The following TRHDE variants were observed in gnomAD, a reference collection of about 807,000 sequenced individuals.
The protein encoded by TRHDE is thyrotropin releasing hormone degrading enzyme, also known as thyrotropin-releasing hormone-degrading ectoenzyme.
Under a neutral mutation model 125.7 loss-of-function variants are expected in TRHDE, and 72 were observed. The observed-to-expected ratio is 0.57, with a 90% CI of 0.47 to 0.70. TRHDE has a LOEUF of 0.70. Ranked by LOEUF, TRHDE falls within the 30% of genes least tolerant of loss-of-function variation. TRHDE has a pLI of 0.00. For synonymous variants in TRHDE, 509 were observed against 509.1 expected, an observed-to-expected ratio of 1.00 and a Z score of 0.00; for missense variants, 1,110 against 1,327.1, an observed-to-expected ratio of 0.84 and a Z score of 2.54.
chr12:72,302,857 A>C (rs539104935), intron 2 of TRHDE, among the ~76,000 whole-genome samples: 2 of 152,268 alleles, frequency 1.3e-5, no homozygotes, highest in South Asian at 4.1e-4. Flanking sequence ...TTTGGACTGG[A>C]TAACTTTTGT....
chr12:72,517,857 T>C (rs1163748088), intron 6 of TRHDE, among the ~76,000 whole-genome samples: 3 of 151,782 alleles, frequency 2.0e-5, no homozygotes, highest in East Asian at 1.9e-4. Flanking sequence ...TTTGTTCTCA[T>C]TGGTTTCAAA....
At chr12:72,280,814 G>A (rs749230485) in intron 1 of TRHDE, among the ~76,000 whole-genome samples, 21 of 152,278 alleles carry the variant, frequency 1.4e-4, no homozygotes, top group Admixed American at 2.0e-4. Context: ...AGGGAAAGGC[G>A]TCTCAATCAT....
At chr12:72,203,701 G>C (rs902899152) in intron 2 of TRHDE, among the ~76,000 whole-genome samples, 1 of 152,100 alleles carries the variant, frequency 6.6e-6, no homozygotes, top group Non-Finnish European at 1.5e-5. Context: ...CTAACTTGGA[G>C]CTCAGGAAGA....
chr12:72,594,019 G>A (rs1871813443), intron 12 of TRHDE, among the ~76,000 whole-genome samples: 1 of 152,036 alleles, frequency 6.6e-6, no homozygotes, highest in Admixed American at 6.5e-5. Flanking sequence ...ATAATCCCTT[G>A]GGTATATGCC....
intron 2 of TRHDE, among the ~76,000 whole-genome samples, chr12:72,361,804 T>C (rs1871099790): frequency 1.4e-5 from 2 of 138,896 alleles, no homozygotes; most frequent in Admixed American, 7.6e-5. Flanking sequence ...TGAGTGAGAA[T>C]ATGCAGTGTT....
chr12:72,423,804 A>G (rs1874063928), intron 3 of TRHDE, among the ~76,000 whole-genome samples: 1 of 152,082 alleles, frequency 6.6e-6, no homozygotes, highest in Admixed American at 6.6e-5. Flanking sequence ...AAAGTGGAAG[A>G]GGAAGCAGAA....
intron 15 of TRHDE, among the ~76,000 whole-genome samples, chr12:72,639,854 G>A (rs1873961578): frequency 6.6e-6 from 1 of 152,184 alleles, no homozygotes; most frequent in Non-Finnish European, 1.5e-5. Context: ...GAGGCAGTCT[G>A]CCCGTTCTCA....
At chr12:72,295,248 G>A (rs1880248260) in intron 2 of TRHDE, among the ~76,000 whole-genome samples, 1 of 152,012 alleles carries the variant, frequency 6.6e-6, no homozygotes, top group South Asian at 2.1e-4. Flanking sequence ...AGCAGCACTG[G>A]GGAGCCCCAC....
chr12:72,206,330 C>T (rs1026817213), intron 2 of TRHDE, among the ~76,000 whole-genome samples: 9 of 151,954 alleles, frequency 5.9e-5, no homozygotes, highest in African/African-American at 1.9e-4. Flanking sequence ...TGACCTCAGG[C>T]GATCCGCCTG....
At chr12:72,205,256 C>T (rs148640077) in intron 2 of TRHDE, among the ~76,000 whole-genome samples, 207 of 152,028 alleles carry the variant, frequency 1.4e-3, no homozygotes, top group Non-Finnish European at 2.1e-3. Context: ...AATGCTGCCA[C>T]GGCTCTGAAG....
chr12:72,480,847 T>C (rs1200147335), intron 5 of TRHDE, among the ~76,000 whole-genome samples: 1 of 152,146 alleles, frequency 6.6e-6, no homozygotes, highest in Non-Finnish European at 1.5e-5. Flanking sequence ...CCAAAAATTA[T>C]ACCAAAATGA....
chr12:72,306,018 G>A (rs890232343), intron 2 of TRHDE, among the ~76,000 whole-genome samples: 16 of 152,190 alleles, frequency 1.1e-4, no homozygotes, highest in East Asian at 9.6e-4. Context: ...CCAGTGAGAA[G>A]CACTAATCCA....
chr12:72,646,304 A>G (rs1177928589), intron 15 of TRHDE, among the ~76,000 whole-genome samples: 1 of 152,038 alleles, frequency 6.6e-6, no homozygotes. Flanking sequence ...TAAGATATGT[A>G]TACATCAAGG....
chr12:72,660,688 C>A (rs145752326), intron 18 of TRHDE, among the ~76,000 whole-genome samples: 5,930 of 152,212 alleles, frequency 0.039, 172 homozygotes, highest in Non-Finnish European at 0.057. Flanking sequence ...TGTCCATGAT[C>A]ATCTCTGTAT....
At chr12:72,098,191 T>G (rs1206835263) in intron 1 of TRHDE, among the ~76,000 whole-genome samples, 1 of 152,148 alleles carries the variant, frequency 6.6e-6, no homozygotes, top group Non-Finnish European at 1.5e-5. Context: ...CCTACATTAC[T>G]TTTTATGATG....
intron 5 of TRHDE, among the ~76,000 whole-genome samples, chr12:72,484,146 T>G (rs1877300288): frequency 6.6e-6 from 1 of 152,044 alleles, no homozygotes; most frequent in Non-Finnish European, 1.5e-5. Context: ...TGAATTACAT[T>G]TTGTCAAATA....
intron 2 of TRHDE, among the ~76,000 whole-genome samples, chr12:72,199,795 CATTATGT>C (rs1464620156): frequency 6.6e-6 from 1 of 152,134 alleles, no homozygotes; most frequent in Non-Finnish European, 1.5e-5. Flanking sequence ...TTAGTTCTTG[CATTATGT>C]GAAGATTCTT....
intron 2 of TRHDE, among the ~76,000 whole-genome samples, chr12:72,153,602 T>C (rs1212411249): frequency 6.6e-6 from 1 of 152,190 alleles, no homozygotes; most frequent in Non-Finnish European, 1.5e-5. Flanking sequence ...TGTGTCTTTG[T>C]TCTCACTGGT....
rs1875162381 is a variant in TRHDE at position 72,667,990 on chromosome 12, A to G, written c.*4795A>G. 6.6e-6 allele frequency: 1 copy of G among 151,636 alleles called. No individual in the cohort carries two copies. The highest frequency in any genetic ancestry group is 1.5e-5 in the Non-Finnish European group (1 of 67,726). The allele number at this position is 151,636 out of a possible 1,614,324, so 9.4% of individuals were successfully genotyped here. A position where few individuals can be genotyped will look rare whatever the true frequency, so the allele number is the denominator to read the frequency against. The stretch of plus-strand genomic sequence containing the variant: ...TTTTAAGTTAATTATATATTCTTTA[A>G]AGCAGATTAAATAATACTTGTCCTA... On this transcript the variant is annotated 3_prime_UTR_variant, in exon 19 of 19. Coordinates refer to ENST00000261180, the MANE Select transcript of TRHDE (RefSeq NM_013381.3).
Sources: allele counts gnomAD v4.1 joint callset (sites outside exome capture counted in the v4.1 genomes callset), GRCh38; gene constraint gnomAD v4.1.1; transcripts MANE v1.5; gene names NCBI Gene and HGNC (gene_info 2026-07-23, HGNC 2026-07-21).